PCDHGA8: variants seen among roughly 807,000 people sequenced by gnomAD.
PCDHGA8 encodes protocadherin gamma-A8.
A neutral mutation model predicts 59.2 loss-of-function variants in PCDHGA8; 45 were observed. That is an observed-to-expected ratio of 0.76 (90% CI 0.60 to 0.98). The LOEUF (loss-of-function observed/expected upper bound fraction) is 0.98, where lower values mean the gene tolerates loss of function less well. PCDHGA8 is among the 50% of genes least tolerant of loss of function. The probability of loss-of-function intolerance (pLI) is 0.00; values close to 1 mark genes in which losing one functional copy is unlikely to be tolerated. For missense variants in PCDHGA8, 1,257 were observed against 1,196.2 expected (o/e 1.05, Z -0.75); for synonymous variants, 531 against 519.0 (o/e 1.02, Z -0.32).
At chr5:141,463,335 A>G (rs565781645) in intron 1 of PCDHGA8, among the ~76,000 whole-genome samples, 3 of 149,628 alleles carry the variant, frequency 2.0e-5, no homozygotes, top group South Asian at 2.1e-4. Context: ...CAGCAAAACC[A>G]TGGTGTTATT....
chr5:141,456,263 T>C (rs2098847567), intron 1 of PCDHGA8, among the ~76,000 whole-genome samples: 2 of 152,292 alleles, frequency 1.3e-5, no homozygotes, highest in South Asian at 2.1e-4. Flanking sequence ...CCATTGCTTC[T>C]GGCTACTTCC....
intron 1 of PCDHGA8, among the ~76,000 whole-genome samples, chr5:141,479,060 T>G (rs980468382): frequency 5.9e-5 from 9 of 152,248 alleles, no homozygotes; most frequent in Non-Finnish European, 1.3e-4. Context: ...CAGATAATTT[T>G]TTATGAATGA....
intron 1 of PCDHGA8, chr5:141,441,674 CT>C: frequency 3.4e-6 from 1 of 293,692 alleles, no homozygotes; most frequent in Non-Finnish European, 6.7e-6. Flanking sequence ...CACAGTGCGC[CT>C]TCGACCAAGA....
chr5:141,404,227 A>G, intron 1 of PCDHGA8: 3 of 1,613,818 alleles, frequency 1.9e-6, no homozygotes, highest in East Asian at 2.2e-5. Context: ...TGACTGCAAC[A>G]GACAGAGGAA....
At chr5:141,481,240 T>G (rs1323124277) in intron 1 of PCDHGA8, among the ~76,000 whole-genome samples, 1 of 152,208 alleles carries the variant, frequency 6.6e-6, no homozygotes, top group Non-Finnish European at 1.5e-5. Flanking sequence ...AAGTATTACA[T>G]AGCATAGCTC....
chr5:141,403,490 C>T, intron 1 of PCDHGA8: 1 of 1,614,044 alleles, frequency 6.2e-7, no homozygotes, highest in South Asian at 1.1e-5. Flanking sequence ...CCACTTCTCC[C>T]TGAACGTGCA....
chr5:141,490,130 C>A lies in PCDHGA8; in HGVS notation c.2425-4677C>A, dbSNP rs535362535. On this transcript the variant is annotated intron_variant, in intron 1 of 3. Coordinates refer to ENST00000398604, the MANE Select transcript of PCDHGA8 (RefSeq NM_032088.2). The surrounding 1 kb of genome is among the most constrained non-coding windows in gnomAD (Gnocchi z 5.4). ...GTGCGGAACCTCTTTGGCCTAGACC[C>A]TAGCAGTGGGGCAATCCATGTGTTG... 11 of 1,614,242 alleles carry A rather than the reference C, an allele frequency of 6.8e-6. No individual in the cohort carries two copies. In the African/African-American group the frequency reaches 1.3e-4, roughly 20 times the overall value.
intron 2 of PCDHGA8, among the ~76,000 whole-genome samples, chr5:141,503,203 A>G (rs10477147): frequency 0.037 from 5,590 of 152,130 alleles, 132 homozygotes; most frequent in South Asian, 0.073. Flanking sequence ...TCAGCCTCTC[A>G]GTGCCCACCA....
At chr5:141,421,387 G>A in intron 1 of PCDHGA8, 3 of 1,614,054 alleles carry the variant, frequency 1.9e-6, no homozygotes, top group Non-Finnish European at 2.5e-6. Context: ...CAAGGACCTG[G>A]GGCTGGAGCC....
At position 141,393,859 on chromosome 5, in the gene PCDHGA8, T is replaced by A. The variant is rs1348760722; in HGVS notation, c.1046T>A (p.Ile349Asn). The A allele has an allele frequency of 1.9e-6, 3 of 1,613,994 alleles. No homozygotes were observed. The highest frequency in any genetic ancestry group is 2.5e-6 in the Non-Finnish European group (3 of 1,179,890). ...AATGACAATAGACCAGAAGTGATCA[T>A]TACGTCTTTGTTTAGCCCAGTGTTA... ...DVNDNRPEVI[I>N]TSLFSPVLEN... The change falls in exon 1 of 4, where the codon ATT becomes AAT. Residue 349 changes from isoleucine to asparagine, a missense_variant. Transcript: ENST00000398604.
intron 1 of PCDHGA8, chr5:141,478,686 GA>G (rs2099472024): frequency 6.4e-7 from 1 of 1,551,134 alleles, no homozygotes; most frequent in South Asian, 1.2e-5. Context: ...GCCCTTCCTA[GA>G]TCAAAGTTAG....
rs2099661624 is a variant in PCDHGA8, at chr5:141,487,712, G to A, written c.2425-7095G>A. The stretch of plus-strand genomic sequence containing the variant: ...AGAGAGTACTGGCCTCTCAGTAAGT[G>A]CCCATAGTGATGTCACCATTTTTGT... On this transcript the variant is annotated intron_variant, in intron 1 of 3. Coordinates refer to ENST00000398604, the MANE Select transcript of PCDHGA8 (RefSeq NM_032088.2). The surrounding 1 kb of genome is among the most constrained non-coding windows in gnomAD (Gnocchi z 5.0). The A allele has an allele frequency of 5.0e-6, 8 of 1,585,892 alleles. No individual in the cohort carries two copies. The highest frequency in any genetic ancestry group is 1.1e-5 in the South Asian group (1 of 87,950).
chr5:141,393,583 C>T lies in PCDHGA8; in HGVS notation c.770C>T (p.Pro257Leu). 6.2e-7 allele frequency: 1 copy of T among 1,613,930 alleles called. No individual in the cohort carries two copies. Reference sequence around the variant, plus strand: ...GTGAAAGTCCTTGAGAACATGCCCCCAGGCACGCGGCTGCTTACTGTAACA... The same window carrying T: ...GTGAAAGTCCTTGAGAACATGCCCCTAGGCACGCGGCTGCTTACTGTAACA... ...YRVKVLENMP[P>L]GTRLLTVTAS... Residue 257 changes from proline (P) to leucine (L), a missense_variant, in exon 1 of 4, where the codon CCA becomes CTA. Coordinates refer to ENST00000398604, the MANE Select transcript of PCDHGA8 (RefSeq NM_032088.2).
chr5:141,479,625 T>C (rs2099501262), intron 1 of PCDHGA8: 1 of 152,228 alleles, frequency 6.6e-6, no homozygotes, highest in Non-Finnish European at 1.5e-5. Flanking sequence ...ACCATGTCTC[T>C]TTAACAATAA....
rs77983663 is a variant in PCDHGA8, at chr5:141,504,853, C to T, written c.2484-540C>T. 2.8e-4 allele frequency among the ~76,000 whole-genome samples: 42 copies of T among 152,214 alleles called. No homozygotes were observed. In the East Asian group the frequency reaches 7.7e-3, roughly 28 times the overall value. On this transcript the variant is annotated intron_variant, in intron 2 of 3. Transcript: ENST00000398604. ...TTCTCTAGCTCTGGAACATTCTCTT[C>T]CATTTCCCACCTTCACAGTCCTCTG... is the stretch of plus-strand genomic sequence containing the variant.
In PCDHGA8 at chr5:141,430,969, TAGGACGCA is replaced by T. The variant is rs775497521; in HGVS notation, c.2424+35733_2424+35740del. The T allele has an allele frequency of 7.3e-5, 118 of 1,613,012 alleles. 1 individual carries two copies. The Middle Eastern group carries it at 1.8e-3, about 25-fold the overall frequency. On this transcript the variant is annotated intron_variant, in intron 1 of 3. Transcript: ENST00000398604. ...GCGGAGTCCGCATCATCCCCAGAGG[TAGGACGCA>T]GCTTTTCGCCCTGAATCCGCGCAGC...
rs369942815 is a variant in PCDHGA8, at chr5:141,485,334, T to A, written c.2425-9473T>A. 5.4e-5 allele frequency: 87 copies of A among 1,614,056 alleles called. No individual in the cohort carries two copies. Among genetic ancestry groups the A allele is most frequent in the Non-Finnish European group, 7.0e-5 (83 of 1,180,026 alleles). On this transcript the variant is annotated intron_variant, in intron 1 of 3. Coordinates refer to ENST00000398604, the MANE Select transcript of PCDHGA8 (RefSeq NM_032088.2). The surrounding 1 kb of genome is among the most constrained non-coding windows in gnomAD (Gnocchi z 5.7). Reference sequence around the variant, plus strand: ...GGGAATGTCGCTCAAGATTTCCTGCTGGATACGGACAGTCTGTCAGCTCGC... The same window carrying A: ...GGGAATGTCGCTCAAGATTTCCTGCAGGATACGGACAGTCTGTCAGCTCGC...
intron 1 of PCDHGA8, among the ~76,000 whole-genome samples, chr5:141,475,778 T>C (rs1204790631): frequency 2.0e-5 from 3 of 152,282 alleles, no homozygotes; most frequent in Non-Finnish European, 4.4e-5. Flanking sequence ...GCGCTTTGGC[T>C]GGAAACTCTG....
At chr5:141,408,894 C>A (rs778126197) in intron 1 of PCDHGA8, 1 of 1,613,304 alleles carries the variant, frequency 6.2e-7, no homozygotes, top group East Asian at 2.2e-5. Flanking sequence ...ATAGAAATTT[C>A]TGTCAAGGAT....
Sources: allele counts gnomAD v4.1 joint callset (sites outside exome capture counted in the v4.1 genomes callset), GRCh38; gene constraint gnomAD v4.1.1; non-coding constraint Gnocchi (gnomAD v3.1); transcripts MANE v1.5; gene names NCBI Gene and HGNC (gene_info 2026-07-23, HGNC 2026-07-21).